Variants in TRIM9 observed in about 807,000 individuals in gnomAD.
The protein encoded by TRIM9 is tripartite motif containing 9.
TRIM9 carries 26 observed loss-of-function variants against 78.3 expected under a neutral mutation model. The ratio of observed to expected loss-of-function variants is 0.33; its 90% confidence interval spans 0.24 to 0.46. TRIM9 has a LOEUF of 0.46. Ranked by LOEUF, TRIM9 falls within the 20% of genes least tolerant of loss-of-function variation. The pLI, the probability that TRIM9 is intolerant of heterozygous loss-of-function variation, is 1.00. For missense variants in TRIM9, 787 were observed against 1,036.4 expected (o/e 0.76, Z 3.30); for synonymous variants, 398 against 416.5 (o/e 0.96, Z 0.54).
chr14:51,017,511 C>T (rs958955493), intron 3 of TRIM9, among the ~76,000 whole-genome samples: 2 of 152,100 alleles, frequency 1.3e-5, no homozygotes, highest in African/African-American at 4.8e-5. Context: ...ACTGTATCCT[C>T]GTACAGAGAA....
intron 1 of TRIM9, among the ~76,000 whole-genome samples, chr14:51,034,020 T>C (rs2058943147): frequency 6.6e-6 from 1 of 152,254 alleles, no homozygotes; most frequent in Non-Finnish European, 1.5e-5. Flanking sequence ...GTGAACTAGA[T>C]GCTCTGACCA....
intron 1 of TRIM9, among the ~76,000 whole-genome samples, chr14:51,038,452 C>T (rs1418535656): frequency 6.6e-6 from 1 of 152,152 alleles, no homozygotes; most frequent in East Asian, 1.9e-4. Flanking sequence ...ATGCTTACCA[C>T]CTTTGGCGGT....
intron 1 of TRIM9, among the ~76,000 whole-genome samples, chr14:51,061,017 C>T (rs1227906509): frequency 6.6e-6 from 1 of 152,202 alleles, no homozygotes; most frequent in Non-Finnish European, 1.5e-5. Flanking sequence ...CTCTAATTCA[C>T]ATTTTCTTGA....
intron 1 of TRIM9, among the ~76,000 whole-genome samples, chr14:51,055,721 T>A (rs908561220): frequency 1.3e-5 from 2 of 152,244 alleles, no homozygotes; most frequent in African/African-American, 2.4e-5. Context: ...AAGACCCATG[T>A]CAGACTTCTA....
rs2051038615 is a variant in TRIM9 at position 50,975,603 on chromosome 14, A to T, written c.*1688T>A. 1.3e-5 allele frequency: 2 copies of T among 152,696 alleles called. No individual in the cohort carries two copies. 9.5% of individuals were successfully genotyped at this position (152,696 alleles called of 1,614,324 possible). On this transcript the variant is annotated 3_prime_UTR_variant, in exon 13 of 13. Transcript: ENST00000684578. ...GAAAAAGATTGTAACTGATAGAAAT[A>T]ATCTAAATAAAGTAAGCACAAAAGT...
chr14:50,986,140 T>G lies in TRIM9; in HGVS notation c.1608A>C (p.Thr536=). Residue 536 remains threonine (T), a synonymous_variant, in exon 8 of 13, where the codon ACA becomes ACC. Transcript: ENST00000684578. ...KTLVLQTSED[T]DSEEQTLPFP... ...AAGGGAGGGTCTGTTCTTCTGAATC[T>G]GTGTCTAAATGTAAGATCAATGCAA... The G allele has an allele frequency of 6.6e-7, 1 of 1,512,966 alleles. No individual in the cohort carries two copies. Among genetic ancestry groups the G allele is most frequent in the South Asian group, 1.3e-5 (1 of 77,702 alleles). The allele number at this position is 1,512,966 out of a possible 1,614,324, so 93.7% of individuals were successfully genotyped here.
At chr14:51,020,905 A>G (rs965243673) in intron 3 of TRIM9, among the ~76,000 whole-genome samples, 2 of 152,222 alleles carry the variant, frequency 1.3e-5, no homozygotes, top group African/African-American at 4.8e-5. Flanking sequence ...ACTGTTCACC[A>G]TGTTCTGTTA....
intron 1 of TRIM9, among the ~76,000 whole-genome samples, chr14:51,041,441 G>T (rs897208827): frequency 3.9e-5 from 6 of 152,258 alleles, no homozygotes; most frequent in African/African-American, 9.6e-5. Flanking sequence ...GCCCAAGTGT[G>T]AGCCCACAGC....
intron 5 of TRIM9, among the ~76,000 whole-genome samples, chr14:51,002,170 G>A (rs1450913995): frequency 6.6e-6 from 1 of 152,134 alleles, no homozygotes; most frequent in East Asian, 1.9e-4. Context: ...CGTCCAGGCT[G>A]GAGTGCAGTG....
At chr14:51,023,548 C>G (rs892678322) in intron 2 of TRIM9, among the ~76,000 whole-genome samples, 1 of 152,138 alleles carries the variant, frequency 6.6e-6, no homozygotes, top group South Asian at 2.1e-4. Flanking sequence ...TCAGATATGA[C>G]CCAACACCTT....
intron 1 of TRIM9, among the ~76,000 whole-genome samples, chr14:51,058,598 G>T (rs2061081750): frequency 6.6e-6 from 1 of 152,146 alleles, no homozygotes; most frequent in Non-Finnish European, 1.5e-5. Context: ...AAGGCCACTG[G>T]GGTGGTGCGC....
chr14:51,037,580 C>T (rs2059257735), intron 1 of TRIM9, among the ~76,000 whole-genome samples: 2 of 151,864 alleles, frequency 1.3e-5, no homozygotes, highest in South Asian at 4.2e-4. Context: ...TTGTTAAGTT[C>T]TCAACATCCA....
intron 5 of TRIM9, among the ~76,000 whole-genome samples, chr14:51,005,097 G>A (rs780010609): frequency 1.2e-4 from 19 of 152,206 alleles, no homozygotes; most frequent in Admixed American, 6.5e-4. Context: ...AGCTATTACC[G>A]GTACACTGTT....
chr14:50,991,211 C>T (rs923401736), intron 7 of TRIM9, among the ~76,000 whole-genome samples: 3 of 152,134 alleles, frequency 2.0e-5, no homozygotes, highest in African/African-American at 7.2e-5. Context: ...ACAGAGGATT[C>T]CAAAGAATGA....
chr14:51,078,824 A>G (rs2063046236), intron 1 of TRIM9, among the ~76,000 whole-genome samples: 1 of 152,224 alleles, frequency 6.6e-6, no homozygotes, highest in Non-Finnish European at 1.5e-5. Flanking sequence ...GATCGAATGT[A>G]TAACATGAGG....
rs990878615 is a variant in TRIM9 at position 50,976,114 on chromosome 14, C to T, written c.*1177G>A. 2 of 149,998 alleles carry T rather than the reference C, an allele frequency of 1.3e-5. No individual in the cohort carries two copies. The highest frequency in any genetic ancestry group is 4.9e-5 in the African/African-American group (2 of 40,648). The allele number at this position is 149,998 out of a possible 1,614,324, so 9.3% of individuals were successfully genotyped here. A position where few individuals can be genotyped will look rare whatever the true frequency, so the allele number is the denominator to read the frequency against. ...ATGGGTCCTTTGCCCTCTGGTCACT[C>T]TTTTTTTTTTCAACTGTCAATTTTT... On this transcript the variant is annotated 3_prime_UTR_variant, in exon 13 of 13. Coordinates refer to ENST00000684578, the MANE Select transcript of TRIM9 (RefSeq NM_001387360.1).
rs886781026 is a variant in TRIM9 at position 50,976,151 on chromosome 14, T to C, written c.*1140A>G. On this transcript the variant is annotated 3_prime_UTR_variant, in exon 13 of 13. Coordinates refer to ENST00000684578, the MANE Select transcript of TRIM9 (RefSeq NM_001387360.1). ...AACTGTCAATTTTTAAGGCGTGGTA[T>C]CATAGCAGCATCAGCAAATAAGAAT... is the stretch of plus-strand genomic sequence containing the variant. 2.0e-5 allele frequency: 3 copies of C among 152,516 alleles called. No homozygotes were observed. The highest frequency in any genetic ancestry group is 7.2e-5 in the African/African-American group (3 of 41,398). The allele number at this position is 152,516 out of a possible 1,614,324, so 9.4% of individuals were successfully genotyped here.
chr14:51,080,226 TA>T (rs201632600), intron 1 of TRIM9, among the ~76,000 whole-genome samples: 12,715 of 144,730 alleles, frequency 0.088, 747 homozygotes, highest in African/African-American at 0.18. Flanking sequence ...AAGCCAATGT[TA>T]AAAAAAAAAA....
chr14:51,072,655 C>CT (rs147528947), intron 1 of TRIM9, among the ~76,000 whole-genome samples: 61 of 149,334 alleles, frequency 4.1e-4, no homozygotes, highest in Admixed American at 1.4e-3. Flanking sequence ...CAATTTATTA[C>CT]TTTTTTTTTT....
Sources: allele counts gnomAD v4.1 joint callset (sites outside exome capture counted in the v4.1 genomes callset), GRCh38; gene constraint gnomAD v4.1.1; transcripts MANE v1.5; gene names NCBI Gene and HGNC (gene_info 2026-07-23, HGNC 2026-07-21).